Variants in SOX6 observed in about 807,000 individuals in gnomAD.
SOX6 encodes the protein transcription factor SOX-6.
A neutral mutation model predicts 97.8 loss-of-function variants in SOX6; 11 were observed. The ratio of observed to expected loss-of-function variants is 0.11; its 90% confidence interval spans 0.07 to 0.19. SOX6 has a LOEUF of 0.19. SOX6 is among the 10% of genes least tolerant of loss of function. The probability of loss-of-function intolerance (pLI) is 1.00; values close to 1 mark genes in which losing one functional copy is unlikely to be tolerated. For missense variants in SOX6, 810 were observed against 1,039.5 expected (o/e 0.78, Z 3.04); for synonymous variants, 360 against 371.4 (o/e 0.97, Z 0.35).
intron 4 of SOX6, among the ~76,000 whole-genome samples, chr11:16,229,801 T>C (rs1450120018): frequency 6.6e-6 from 1 of 151,882 alleles, no homozygotes; most frequent in Non-Finnish European, 1.5e-5. Context: ...AGATGTTTTA[T>C]GAGAATATTT....
At chr11:16,027,129 T>C (rs1855236293) in intron 12 of SOX6, among the ~76,000 whole-genome samples, 1 of 152,136 alleles carries the variant, frequency 6.6e-6, no homozygotes, top group Admixed American at 6.6e-5. Flanking sequence ...AAATTAAGAA[T>C]TCCCAAATGT....
chr11:16,341,016 C>T lies in SOX6; in HGVS notation c.233G>A (p.Arg78Lys), dbSNP rs767424590. 3 of 1,613,250 alleles carry T rather than the reference C, an allele frequency of 1.9e-6. No individual in the cohort carries two copies. The highest frequency in any genetic ancestry group is 8.5e-7 in the Non-Finnish European group (1 of 1,179,432). Reference sequence around the variant, plus strand: ...GGTCAGATTTTAAAGGCTCACCATTCTTTGCTGAGATGACAGAACGCTGTC... The same window carrying T: ...GGTCAGATTTTAAAGGCTCACCATTTTTTGCTGAGATGACAGAACGCTGTC... The part of the protein sequence containing the change: ...DWDSVLSSQQ[R>K]MESENNKLCS... Residue 78 changes from arginine to lysine, a missense_variant, in exon 2 of 16, where the codon AGA becomes AAA. Transcript: ENST00000683767.
intron 3 of SOX6, among the ~76,000 whole-genome samples, chr11:16,626,073 T>A (rs1848619456): frequency 6.6e-6 from 1 of 152,132 alleles, no homozygotes; most frequent in African/African-American, 2.4e-5. Flanking sequence ...GAAGCTGATA[T>A]AATCTCTAGG....
intron 4 of SOX6, among the ~76,000 whole-genome samples, chr11:16,584,910 G>T (rs868246387): frequency 6.6e-6 from 1 of 152,206 alleles, no homozygotes; most frequent in Non-Finnish European, 1.5e-5. Context: ...TTTGCTAGCT[G>T]CTGCCTCTTT....
intron 4 of SOX6, among the ~76,000 whole-genome samples, chr11:16,542,358 A>C (rs910310472): frequency 1.3e-5 from 2 of 152,186 alleles, no homozygotes; most frequent in African/African-American, 4.8e-5. Context: ...AGAAATACCT[A>C]ATGTAAATGA....
intron 6 of SOX6, among the ~76,000 whole-genome samples, chr11:16,127,054 A>G (rs957546382): frequency 4.6e-5 from 7 of 152,072 alleles, no homozygotes; most frequent in Non-Finnish European, 8.8e-5. Flanking sequence ...AACCTCTTTC[A>G]ATATTTATTG....
chr11:16,668,932 A>G (rs996782282), intron 3 of SOX6, among the ~76,000 whole-genome samples: 1 of 152,268 alleles, frequency 6.6e-6, no homozygotes, highest in African/African-American at 2.4e-5. Context: ...AGACCCCAAT[A>G]CAATATTAGC....
chr11:16,398,524 AACGG>A (rs1488360060), intron 1 of SOX6, among the ~76,000 whole-genome samples: 1 of 151,412 alleles, frequency 6.6e-6, no homozygotes, highest in African/African-American at 2.4e-5. Context: ...GTATTAGCTA[AACGG>A]TTGGACAATT....
At position 16,504,260 on chromosome 11, in the gene SOX6, A is replaced by C. The variant is rs536204576; in HGVS notation, n.610-27872T>G. On this transcript the variant is annotated intron_variant and non_coding_transcript_variant, in intron 4 of 5. Coordinates refer to the SOX6 transcript ENST00000524520. ...TCCTAGCCAGAACAATTAGGCAAGAAAAAGGAATAAAAGGCATACAAATTG... is the reference window on the plus strand; with the variant it reads ...TCCTAGCCAGAACAATTAGGCAAGACAAAGGAATAAAAGGCATACAAATTG... Among the ~76,000 whole-genome samples the C allele has an allele frequency of 2.8e-4, 42 of 152,118 alleles. No individual in the cohort carries two copies. The East Asian group carries it at 4.2e-3, about 15-fold the overall frequency.
Position 16,471,341 on chromosome 11 carries a change from G to A in SOX6, c.-5+4974C>T, listed in dbSNP as rs559489249. On this transcript the variant is annotated intron_variant, in intron 1 of 15. Transcript: ENST00000396356. ...TTCCTTCACAGTGTTTTCCTCTTCC[G>A]GCCTAGGTAGTTGATTTGAGTAGCT... is the stretch of plus-strand genomic sequence containing the variant. 8.5e-5 allele frequency among the ~76,000 whole-genome samples: 13 copies of A among 152,116 alleles called. No homozygotes were observed. In the East Asian group the frequency reaches 1.7e-3, roughly 20 times the overall value.
At chr11:16,522,110 C>A (rs993532238) in intron 4 of SOX6, among the ~76,000 whole-genome samples, 1 of 152,054 alleles carries the variant, frequency 6.6e-6, no homozygotes, top group Non-Finnish European at 1.5e-5. Flanking sequence ...CCAACATTCA[C>A]ATTCAGGAAA....
chr11:16,728,564 C>T (rs1439620018), intron 2 of SOX6, among the ~76,000 whole-genome samples: 1 of 152,246 alleles, frequency 6.6e-6, no homozygotes, highest in African/African-American at 2.4e-5. Flanking sequence ...CACACAGAAA[C>T]CCAATCCGAA....
At chr11:16,389,514 T>C (rs1028709016) in intron 1 of SOX6, among the ~76,000 whole-genome samples, 3 of 152,200 alleles carry the variant, frequency 2.0e-5, no homozygotes. Flanking sequence ...CTTTGGCTCT[T>C]TTTAATAATT....
At chr11:16,168,820 G>T (rs1056792985) in intron 6 of SOX6, among the ~76,000 whole-genome samples, 1 of 152,090 alleles carries the variant, frequency 6.6e-6, no homozygotes, top group African/African-American at 2.4e-5. Flanking sequence ...ACTGCTAATA[G>T]CATATGAAAA....
intron 3 of SOX6, among the ~76,000 whole-genome samples, chr11:16,637,842 C>T (rs993343764): frequency 1.3e-5 from 2 of 151,510 alleles, no homozygotes; most frequent in African/African-American, 4.8e-5. Flanking sequence ...ATGTGTGCAA[C>T]GTTTTATAGG....
intron 1 of SOX6, among the ~76,000 whole-genome samples, chr11:16,363,535 A>T (rs964158510): frequency 6.6e-6 from 1 of 152,196 alleles, no homozygotes; most frequent in Non-Finnish European, 1.5e-5. Context: ...ATGTAGAAAC[A>T]GATTTAGTTG....
intron 6 of SOX6, among the ~76,000 whole-genome samples, chr11:16,140,414 T>C (rs1030120529): frequency 2.0e-5 from 3 of 152,148 alleles, no homozygotes. Flanking sequence ...CAGCATTATA[T>C]TGTATAGTAG....
exon 4 of SOX6, chr11:16,612,086 C>CA (rs1182852967): frequency 9.8e-5 from 15 of 152,606 alleles, no homozygotes; most frequent in Admixed American, 9.8e-4. Context: ...CTTACAGTGA[C>CA]AGAGGGCAGG....
chr11:16,318,724 C>T, intron 2 of SOX6, 71 bp from the exon 3 acceptor site: 1 of 1,281,986 alleles, frequency 7.8e-7, no homozygotes, highest in South Asian at 1.2e-5. Context: ...AAAAAAATCC[C>T]AAACTGAGGA....
Sources: allele counts gnomAD v4.1 joint callset (sites outside exome capture counted in the v4.1 genomes callset), GRCh38; gene constraint gnomAD v4.1.1; transcripts MANE v1.5; gene names NCBI Gene and HGNC (gene_info 2026-07-23, HGNC 2026-07-21).